Variants in PTPRD observed in about 807,000 individuals in gnomAD.
The protein encoded by PTPRD is receptor-type tyrosine-protein phosphatase delta.
Under a neutral mutation model 214.5 loss-of-function variants are expected in PTPRD, and 34 were observed. The observed-to-expected ratio is 0.16, with a 90% CI of 0.12 to 0.21. PTPRD has a LOEUF of 0.21. PTPRD is among the 10% of genes least tolerant of loss of function. The pLI is 1.00. For synonymous variants in PTPRD, 1,128 were observed against 845.7 expected (o/e 1.33, Z -5.79); for missense variants, 2,545 against 2,398.7 (o/e 1.06, Z -1.27).
intron 7 of PTPRD, among the ~76,000 whole-genome samples, chr9:9,687,752 AC>A (rs1423852891): frequency 1.3e-5 from 2 of 151,816 alleles, no homozygotes; most frequent in African/African-American, 4.8e-5. Context: ...TTGGTCAAAA[AC>A]AAAATGTTGA....
At chr9:10,551,873 C>T in intron 2 of PTPRD, among the ~76,000 whole-genome samples, 1 of 152,176 alleles carries the variant, frequency 6.6e-6, no homozygotes, top group East Asian at 1.9e-4. Context: ...AATCCTGAGA[C>T]TTGAAACATG....
chr9:9,401,681 C>T lies in PTPRD; in HGVS notation c.-236-4199G>A, dbSNP rs890339004. ...GGTTTTTCTACGTACCCACCGGAAT[C>T]GCATCTTGAATTGTAGTGCCCATAA... On this transcript the variant is annotated intron_variant, in intron 8 of 45. Coordinates refer to ENST00000381196, the MANE Select transcript of PTPRD (RefSeq NM_002839.4). Among the ~76,000 whole-genome samples, 17 of 151,764 alleles carry T rather than the reference C, an allele frequency of 1.1e-4. No homozygotes were observed. The East Asian group carries it at 1.2e-3, about 10-fold the overall frequency.
chr9:9,367,164 G>C (rs1377013131), intron 9 of PTPRD, among the ~76,000 whole-genome samples: 1 of 151,358 alleles, frequency 6.6e-6, no homozygotes, highest in Admixed American at 6.6e-5. Flanking sequence ...ACATATTTAT[G>C]CTAAAATTTA....
chr9:9,562,746 A>G (rs1379649584), intron 8 of PTPRD, among the ~76,000 whole-genome samples: 3 of 152,060 alleles, frequency 2.0e-5, no homozygotes, highest in African/African-American at 7.2e-5. Context: ...TAAGCATCCT[A>G]TTTACAATTA....
At chr9:9,565,270 A>G (rs1469202744) in intron 8 of PTPRD, among the ~76,000 whole-genome samples, 1 of 151,834 alleles carries the variant, frequency 6.6e-6, no homozygotes, top group Non-Finnish European at 1.5e-5. Context: ...ATCTGTTTTG[A>G]TTAGGAATTT....
In PTPRD at chr9:9,352,325, A is replaced by ATGTG. The variant is rs200786174; in HGVS notation, c.-203+45123_-203+45124insCACA. Reference sequence around the variant, plus strand: ...GCCAAAAAACCATATATATATATATATATGTGTGTGTGTGTGTGTGTGTGT... The same window carrying ATGTG: ...GCCAAAAAACCATATATATATATATATGTGTATGTGTGTGTGTGTGTGTGTGTGT... On this transcript the variant is annotated intron_variant, in intron 9 of 45. Coordinates refer to ENST00000381196, the MANE Select transcript of PTPRD (RefSeq NM_002839.4). Among the ~76,000 whole-genome samples, 229 of 142,674 alleles carry ATGTG rather than the reference A, an allele frequency of 1.6e-3. 1 individual carries two copies. The South Asian group carries it at 0.029, about 18-fold the overall frequency. 93.6% of individuals were successfully genotyped at this position (142,674 alleles called of 152,430 possible).
chr9:10,016,394 TAGAC>T (rs147586683), intron 4 of PTPRD, among the ~76,000 whole-genome samples: 11 of 24,644 alleles, frequency 4.5e-4, no homozygotes, highest in South Asian at 1.5e-3. Flanking sequence ...GATAGATAGA[TAGAC>T]AGATAGATAG....
intron 5 of PTPRD, among the ~76,000 whole-genome samples, chr9:9,839,265 C>T (rs1183167724): frequency 6.6e-6 from 1 of 151,988 alleles, no homozygotes; most frequent in Non-Finnish European, 1.5e-5. Context: ...TCAAATTGTC[C>T]CTGTTTGCAG....
chr9:8,843,335 G>C (rs984419444), intron 11 of PTPRD, among the ~76,000 whole-genome samples: 2 of 152,154 alleles, frequency 1.3e-5, no homozygotes, highest in African/African-American at 2.4e-5. Context: ...TTGAAACACA[G>C]TATCTTTCAC....
chr9:10,268,440 A>G (rs2498630), intron 3 of PTPRD, among the ~76,000 whole-genome samples: 28,120 of 151,934 alleles, frequency 0.19, 2,710 homozygotes, highest in East Asian at 0.25. Context: ...TTAAATATAT[A>G]GTTTCAGAGA....
At chr9:10,284,215 T>A (rs1027470439) in intron 3 of PTPRD, among the ~76,000 whole-genome samples, 3 of 152,040 alleles carry the variant, frequency 2.0e-5, no homozygotes, top group South Asian at 4.2e-4. Flanking sequence ...AGAGACCCCA[T>A]CTCAAAATAA....
rs182582875 is a variant in PTPRD, at chr9:9,646,095, C to G, written c.-286-71314G>C. Among the ~76,000 whole-genome samples, 26 of 152,264 alleles carry G rather than the reference C, an allele frequency of 1.7e-4. No homozygotes were observed. In the East Asian group the frequency reaches 4.8e-3, roughly 28 times the overall value. On this transcript the variant is annotated intron_variant, in intron 7 of 45. Transcript: ENST00000381196. ...CACATTTACAATTATTTTTACTTAGCAAGATGCTTTCCATCTAAGACAGTC... is the reference window on the plus strand; with the variant it reads ...CACATTTACAATTATTTTTACTTAGGAAGATGCTTTCCATCTAAGACAGTC...
chr9:8,699,646 C>T (rs1411766093), intron 12 of PTPRD, among the ~76,000 whole-genome samples: 1 of 151,912 alleles, frequency 6.6e-6, no homozygotes, highest in Admixed American at 6.6e-5. Context: ...ATTTCATATA[C>T]CAATATGAAT....
At chr9:9,592,881 C>G (rs913168627) in intron 7 of PTPRD, among the ~76,000 whole-genome samples, 3 of 151,794 alleles carry the variant, frequency 2.0e-5, no homozygotes, top group Admixed American at 2.0e-4. Context: ...CTTGTCTCTA[C>G]TAAAAATACA....
At chr9:9,286,094 G>A (rs1949263985) in intron 9 of PTPRD, among the ~76,000 whole-genome samples, 1 of 151,610 alleles carries the variant, frequency 6.6e-6, no homozygotes, top group African/African-American at 2.4e-5. Context: ...ATTTTCTGTG[G>A]TAAATTCTTT....
At chr9:10,543,369 A>G (rs909013842) in intron 2 of PTPRD, among the ~76,000 whole-genome samples, 1 of 152,128 alleles carries the variant, frequency 6.6e-6, no homozygotes, top group Non-Finnish European at 1.5e-5. Flanking sequence ...TCTGACTGCT[A>G]AGAGTTCTTT....
At chr9:9,434,238 A>T (rs1030576513) in intron 8 of PTPRD, among the ~76,000 whole-genome samples, 3 of 152,176 alleles carry the variant, frequency 2.0e-5, no homozygotes, top group Non-Finnish European at 4.4e-5. Flanking sequence ...CTTCTTCACT[A>T]GAGAATAAAA....
At chr9:10,209,567 C>T (rs1190612160) in intron 3 of PTPRD, among the ~76,000 whole-genome samples, 1 of 152,178 alleles carries the variant, frequency 6.6e-6, no homozygotes, top group South Asian at 2.1e-4. Context: ...ACAGTTGATC[C>T]TTAGTCCCTA....
chr9:9,539,204 A>G (rs1418972032), intron 8 of PTPRD, among the ~76,000 whole-genome samples: 2 of 151,870 alleles, frequency 1.3e-5, no homozygotes, highest in African/African-American at 4.8e-5. Context: ...AAAGGAGTCA[A>G]TTATAAGATA....
Sources: gnomAD v4.1 joint callset for allele counts (sites outside exome capture counted in the v4.1 genomes callset) on GRCh38, gnomAD v4.1.1 for gene constraint, MANE v1.5 for transcripts, NCBI Gene and HGNC (gene_info 2026-07-23, HGNC 2026-07-21) for gene names.